The following SGSH variants were observed in gnomAD, a reference collection of about 807,000 sequenced individuals.
SGSH encodes the protein N-sulfoglucosamine sulfohydrolase.
Under a neutral mutation model 51.0 loss-of-function variants are expected in SGSH, and 48 were observed. That is an observed-to-expected ratio of 0.94 (90% CI 0.75 to 1.20). SGSH has a LOEUF of 1.20. SGSH is among the 50% of genes most tolerant of loss of function. The probability of loss-of-function intolerance (pLI) is 0.00; values close to 1 mark genes in which losing one functional copy is unlikely to be tolerated. For missense variants in SGSH, 662 were observed against 717.8 expected, an observed-to-expected ratio of 0.92 and a Z score of 0.89; for synonymous variants, 321 against 313.4, an observed-to-expected ratio of 1.02 and a Z score of -0.26.
chr17:80,201,707 C>CG, the SGSH span: 17 of 1,611,894 alleles, frequency 1.1e-5, no homozygotes, highest in Admixed American at 2.0e-4. This position sits in a 1 kb window ranked among gnomAD's most constrained non-coding sequence, Gnocchi z 5.0. Flanking sequence ...TTCAGAGTCC[C>CG]GGGGGAAAGA....
At chr17:80,211,723 TC>T (rs2041673697) in intron 7 of SGSH, 2 of 381,290 alleles carry the variant, frequency 5.2e-6, no homozygotes, top group East Asian at 1.3e-4. Flanking sequence ...CCCGCCAAGA[TC>T]TACTGAATCG....
At chr17:80,202,046 CCACT>C (rs2041006070), downstream of SGSH, 3 of 1,196,186 alleles carry the variant, frequency 2.5e-6, no homozygotes, top group African/African-American at 1.5e-5. Flanking sequence ...AACCTCCCAC[CCACT>C]GACTCCAGTG....
At chr17:80,220,157 G>T in intron 1 of SGSH, 69 bp downstream of exon 1, 1 of 1,169,826 alleles carries the variant, frequency 8.5e-7, no homozygotes, top group Non-Finnish European at 1.2e-6. Flanking sequence ...ACCACGGGTG[G>T]GGAGGAGGCC....
chr17:80,218,075 C>T lies in SGSH; in HGVS notation c.89-883G>A, dbSNP rs115161733. Among the ~76,000 whole-genome samples, 960 of 152,360 alleles carry T rather than the reference C, an allele frequency of 6.3e-3. 9 individuals are homozygous for T. The highest frequency in any genetic ancestry group is 0.022 in the African/African-American group (920 of 41,582). On this transcript the variant is annotated intron_variant, in intron 1 of 7. Transcript: ENST00000326317. ...GCTTGATGATACCCCAGCAGGCATG[C>T]TACCTGGGTGGGCGTGTTAGCCGGC...
chr17:80,202,398 G>A (rs747272365), downstream of SGSH: 7 of 1,612,494 alleles, frequency 4.3e-6, no homozygotes, highest in Admixed American at 1.7e-5. Flanking sequence ...TGCCGCGCAC[G>A]GCACCATCCC....
downstream of SGSH, chr17:80,204,442 C>A: frequency 2.6e-6 from 3 of 1,142,424 alleles, no homozygotes; most frequent in South Asian, 1.7e-5. Context: ...GGATGCCACT[C>A]ATTTAGGCCA....
chr17:80,204,154 A>T (rs1042046146), downstream of SGSH: 1 of 1,441,242 alleles, frequency 6.9e-7, no homozygotes, highest in African/African-American at 1.4e-5. Context: ...AGTGCCAATC[A>T]TCTCCCCTGA....
downstream of SGSH, chr17:80,204,133 C>A: frequency 1.6e-6 from 2 of 1,240,300 alleles, no homozygotes; most frequent in Non-Finnish European, 1.1e-6. Context: ...GCATCACTCC[C>A]AGGTCGCCCT....
At chr17:80,208,359 T>A, downstream of SGSH, 1 of 1,571,596 alleles carries the variant, frequency 6.4e-7, no homozygotes, top group South Asian at 1.2e-5. Flanking sequence ...ACCGTGCCCC[T>A]TCCCGGGACT....
At position 80,210,596 on chromosome 17, in the gene SGSH, C is replaced by A; in HGVS notation, c.1365G>T (p.Pro455=). The A allele has an allele frequency of 6.2e-7, 1 of 1,613,442 alleles. No individual in the cohort carries two copies. The highest frequency in any genetic ancestry group is 8.5e-7 in the Non-Finnish European group (1 of 1,179,886). ...PHETQNLATD[P]RFAQLLEMLR... ...GCATCTCCAGAAGCTGAGCAAAGCG[C>A]GGGTCGGTGGCCAGGTTCTGGGTCT... Residue 455 remains proline (P), a synonymous_variant, in exon 8 of 8, where the codon CCG becomes CCT. Coordinates refer to ENST00000326317, the MANE Select transcript of SGSH (RefSeq NM_000199.5).
intron 4 of SGSH, 112 bp from the exon 5 acceptor site, chr17:80,214,440 C>G (rs921242354): frequency 9.4e-5 from 128 of 1,365,280 alleles, no homozygotes; most frequent in Non-Finnish European, 1.2e-4. Flanking sequence ...GTGACCCTCA[C>G]TGCCTCAGTT....
rs1288219418 is a variant in SGSH at position 80,213,838 on chromosome 17, G to A, written c.711C>T (p.Ala237=). Residue 237 remains alanine, a synonymous_variant, in exon 6 of 8, where the codon GCC becomes GCT. Coordinates refer to ENST00000326317, the MANE Select transcript of SGSH (RefSeq NM_000199.5). The surrounding 1 kb of genome is among the most constrained non-coding windows in gnomAD (Gnocchi z 4.6). ...PNTPAARADL[A]AQYTTVGRMD... is the part of the protein sequence containing the mutation. Reference sequence around the variant, plus strand: ...TGCGGCCGACGGTGGTGTACTGAGCGGCCAGGTCGGCTCGGGCTGCCGGGG... The same window carrying A: ...TGCGGCCGACGGTGGTGTACTGAGCAGCCAGGTCGGCTCGGGCTGCCGGGG... 9.9e-6 allele frequency: 16 copies of A among 1,608,354 alleles called. No individual in the cohort carries two copies. The highest frequency in any genetic ancestry group is 3.4e-5 in the Admixed American group (2 of 59,542).
intron 1 of SGSH, among the ~76,000 whole-genome samples, chr17:80,218,398 A>T (rs759956249): frequency 6.6e-6 from 1 of 152,182 alleles, no homozygotes; most frequent in Non-Finnish European, 1.5e-5. Context: ...AGGCCGCTGA[A>T]CTCCTACAAC....
chr17:80,205,333 C>A, downstream of SGSH: 1 of 1,162,594 alleles, frequency 8.6e-7, no homozygotes, highest in Non-Finnish European at 1.2e-6. Flanking sequence ...CCACACTCAC[C>A]TGCTGTGTCC....
At chr17:80,201,633 C>A in the SGSH span, 1 of 1,141,526 alleles carries the variant, frequency 8.8e-7, no homozygotes, top group Non-Finnish European at 1.3e-6. This position sits in a 1 kb window ranked among gnomAD's most constrained non-coding sequence, Gnocchi z 5.0. Flanking sequence ...AGGCAGTGGT[C>A]CTACGGCAGG....
At chr17:80,204,565 A>G (rs2041172738), downstream of SGSH, 11 of 450,842 alleles carry the variant, frequency 2.4e-5, no homozygotes, top group South Asian at 3.3e-4. Flanking sequence ...CAGAGGTGGC[A>G]GTGAGCCGAG....
At chr17:80,217,907 G>T (rs2041951853) in intron 1 of SGSH, among the ~76,000 whole-genome samples, 1 of 152,116 alleles carries the variant, frequency 6.6e-6, no homozygotes, top group African/African-American at 2.4e-5. Flanking sequence ...GGTGGGCATG[G>T]TACACAGGCT....
chr17:80,208,141 G>A (rs1232811526), downstream of SGSH: 5 of 1,535,976 alleles, frequency 3.3e-6, no homozygotes, highest in East Asian at 9.9e-5. Context: ...TGTGCAGGAA[G>A]GGCCTACAGC....
At chr17:80,207,062 C>G (rs140536892), downstream of SGSH, 3 of 1,613,720 alleles carry the variant, frequency 1.9e-6, no homozygotes, top group East Asian at 6.7e-5. Context: ...TCTCTGTCAA[C>G]GAGAAGATGG....
Sources: gnomAD v4.1 joint callset for allele counts (sites outside exome capture counted in the v4.1 genomes callset) on GRCh38, gnomAD v4.1.1 for gene constraint, Gnocchi (gnomAD v3.1) non-coding constraint, MANE v1.5 for transcripts, NCBI Gene and HGNC (gene_info 2026-07-23, HGNC 2026-07-21) for gene names.